ZNF184: variants seen among roughly 807,000 people sequenced by gnomAD.
ZNF184 encodes zinc finger protein 184, also known as zinc finger protein 184 (Kruppel-like).
Under a neutral mutation model 54.4 loss-of-function variants are expected in ZNF184, and 16 were observed. The observed-to-expected ratio is 0.29, with a 90% CI of 0.20 to 0.45. The LOEUF (loss-of-function observed/expected upper bound fraction) is 0.45, where lower values mean the gene tolerates loss of function less well. ZNF184 is among the 20% of genes least tolerant of loss of function. ZNF184 has a pLI of 1.00. For missense variants in ZNF184, 681 were observed against 888.2 expected, an observed-to-expected ratio of 0.77 and a Z score of 2.97; for synonymous variants, 254 against 295.3, an observed-to-expected ratio of 0.86 and a Z score of 1.43.
intron 3 of ZNF184, among the ~76,000 whole-genome samples, chr6:27,464,093 G>T (rs1763065645): frequency 6.6e-6 from 1 of 152,070 alleles, no homozygotes; most frequent in Non-Finnish European, 1.5e-5. Context: ...ACCAAGTCAT[G>T]ACAATCAAAA....
At chr6:27,410,366 A>G in the ZNF184 span, among the ~76,000 whole-genome samples, 3 of 152,232 alleles carry the variant, frequency 2.0e-5, no homozygotes, top group Admixed American at 6.5e-5. Context: ...GTGTAAGGAA[A>G]GTCAGAGAGG....
chr6:27,422,164 G>GA, the ZNF184 span, among the ~76,000 whole-genome samples: 3 of 39,462 alleles, frequency 7.6e-5, no homozygotes, highest in African/African-American at 1.7e-4. Context: ...AAGAAAGAAA[G>GA]AAAGAAAGAA....
At chr6:27,411,293 T>C in the ZNF184 span, among the ~76,000 whole-genome samples, 1 of 152,036 alleles carries the variant, frequency 6.6e-6, no homozygotes, top group African/African-American at 2.4e-5. Flanking sequence ...ATTTAATCAC[T>C]TCCCAAAGAC....
At chr6:27,460,690 A>G (rs2113723968) in intron 3 of ZNF184, among the ~76,000 whole-genome samples, 1 of 152,340 alleles carries the variant, frequency 6.6e-6, no homozygotes, top group South Asian at 2.1e-4. Flanking sequence ...GAAAAGGAAT[A>G]CCACAAATCT....
chr6:27,408,062 A>G, the ZNF184 span: 2 of 840,968 alleles, frequency 2.4e-6, no homozygotes, highest in East Asian at 2.4e-5. Context: ...GAATACTTTG[A>G]TAATGCAAAT....
chr6:27,417,486 T>C, the ZNF184 span, among the ~76,000 whole-genome samples: 1 of 152,126 alleles, frequency 6.6e-6, no homozygotes, highest in South Asian at 2.1e-4. Context: ...CCCAAACTGG[T>C]GTTGGACAGA....
chr6:27,453,218 G>C lies in ZNF184; in HGVS notation c.341C>G (p.Pro114Arg). The change falls in exon 6 of 6, where the codon CCT (proline) becomes CGT (arginine). Residue 114 changes from proline (P) to arginine (R), a missense_variant. Physicochemically the swap from Pro to Arg is moderately radical, Grantham distance 103. Transcript: ENST00000683788. This position sits in a 1 kb window ranked among gnomAD's most constrained non-coding sequence, Gnocchi z 4.7. ...RLENSVSAPE[P>R]DISEEELSPE... ...AGATAGCTCTTCTTCAGAAATGTCA[G>C]GCTCTGGGGCTGACACACTATTTTC... 6.2e-7 allele frequency: 1 copy of C among 1,610,262 alleles called. No individual in the cohort carries two copies. Among genetic ancestry groups the C allele is most frequent in the Non-Finnish European group, 8.5e-7 (1 of 1,178,730 alleles).
At chr6:27,422,200 G>GAA in the ZNF184 span, among the ~76,000 whole-genome samples, 3 of 89,316 alleles carry the variant, frequency 3.4e-5, 1 homozygote, top group African/African-American at 1.2e-4. Flanking sequence ...AAGAAAGAAA[G>GAA]AAAGAAAGAA....
intron 2 of ZNF184, among the ~76,000 whole-genome samples, chr6:27,471,426 T>C (rs1218703941): frequency 6.6e-6 from 1 of 152,196 alleles, no homozygotes; most frequent in Non-Finnish European, 1.5e-5. Context: ...AAAAAAGATC[T>C]AAAGTTTACA....
intron 2 of ZNF184, among the ~76,000 whole-genome samples, chr6:27,470,522 A>G (rs1331335387): frequency 2.0e-5 from 3 of 152,236 alleles, no homozygotes; most frequent in Non-Finnish European, 4.4e-5. Flanking sequence ...CAGTAAAGAA[A>G]AACTGTTTTG....
the ZNF184 span, among the ~76,000 whole-genome samples, chr6:27,417,571 G>A: frequency 1.8e-4 from 27 of 152,182 alleles, no homozygotes; most frequent in Middle Eastern, 0.014. Context: ...AAGAGTCCAG[G>A]ACAGCCTCTG....
rs1762786658 is a variant in ZNF184 at position 27,453,544 on chromosome 6, G to A, written c.299-284C>T. On this transcript the variant is annotated intron_variant, in intron 5 of 5. Coordinates refer to ENST00000683788, the MANE Select transcript of ZNF184 (RefSeq NM_001318891.2). This position sits in a 1 kb window ranked among gnomAD's most constrained non-coding sequence, Gnocchi z 4.7. The stretch of plus-strand genomic sequence containing the variant: ...AGTTGACTAAAAAGGTGACAACAGA[G>A]ATGGCTAAGAGTAGACAGAGATGAA... 6.6e-6 allele frequency among the ~76,000 whole-genome samples: 1 copy of A among 152,210 alleles called. No individual in the cohort carries two copies. Among genetic ancestry groups the A allele is most frequent in the Admixed American group, 6.5e-5 (1 of 15,280 alleles).
chr6:27,456,554 G>T lies in ZNF184; in HGVS notation c.298+272C>A, dbSNP rs142389048. Among the ~76,000 whole-genome samples the T allele has an allele frequency of 2.7e-3, 416 of 152,314 alleles. 2 individuals are homozygous for T. Among genetic ancestry groups the T allele is most frequent in the African/African-American group, 8.8e-3 (365 of 41,570 alleles). On this transcript the variant is annotated intron_variant, in intron 5 of 5. Coordinates refer to ENST00000683788, the MANE Select transcript of ZNF184 (RefSeq NM_001318891.2). ...ATCATGGTCCTAAAGGAAGTAGAAA[G>T]AGATGTAATTCAGAGTCCAGTTCGA...
the ZNF184 span, among the ~76,000 whole-genome samples, chr6:27,426,640 A>G: frequency 6.6e-6 from 1 of 152,202 alleles, no homozygotes; most frequent in South Asian, 2.1e-4. This position sits in a 1 kb window ranked among gnomAD's most constrained non-coding sequence, Gnocchi z 4.2. Flanking sequence ...GCAGGTCTAG[A>G]TAAGTCCCTA....
the ZNF184 span, chr6:27,407,662 A>T: frequency 1.6e-6 from 1 of 643,760 alleles, no homozygotes; most frequent in Non-Finnish European, 2.8e-6. Flanking sequence ...TTGCTGAGTC[A>T]TGCAAGCCTG....
the ZNF184 span, among the ~76,000 whole-genome samples, chr6:27,429,569 GA>G: frequency 2.0e-5 from 3 of 152,176 alleles, no homozygotes; most frequent in Admixed American, 2.0e-4. Flanking sequence ...CCCCCAACCT[GA>G]AGGTTTAATA....
At chr6:27,417,608 C>A in the ZNF184 span, among the ~76,000 whole-genome samples, 1 of 152,130 alleles carries the variant, frequency 6.6e-6, no homozygotes, top group African/African-American at 2.4e-5. Context: ...ATCATGCACA[C>A]ATCCTTTCTT....
Position 27,452,915 on chromosome 6 carries a change from G to A in ZNF184, c.644C>T (p.Pro215Leu). Reference protein sequence around the residue: ...TKRSIKQNSNPVKKEKSCKCN... With the variant: ...TKRSIKQNSNLVKKEKSCKCN... ...CTTACAAGATTTCTCTTTTTTAACTGGGTTTGAATTCTGTTTGATGCTTCT... is the reference window on the plus strand; with the variant it reads ...CTTACAAGATTTCTCTTTTTTAACTAGGTTTGAATTCTGTTTGATGCTTCT... The change falls in exon 6 of 6, where the codon CCA becomes CTA. Residue 215 changes from proline to leucine, a missense_variant. Coordinates refer to ENST00000683788, the MANE Select transcript of ZNF184 (RefSeq NM_001318891.2). The surrounding 1 kb of genome is among the most constrained non-coding windows in gnomAD (Gnocchi z 5.5). The A allele has an allele frequency of 1.9e-6, 3 of 1,614,106 alleles. No homozygotes were observed. The highest frequency in any genetic ancestry group is 2.5e-6 in the Non-Finnish European group (3 of 1,180,008).
rs1762786574 is a variant in ZNF184 at position 27,453,541 on chromosome 6, AG to A, written c.299-282del. 6.6e-6 allele frequency among the ~76,000 whole-genome samples: 1 copy of A among 152,268 alleles called. No homozygotes were observed. ...AATAGTTGACTAAAAAGGTGACAACAGAGATGGCTAAGAGTAGACAGAGATG... is the reference window on the plus strand; with the variant it reads ...AATAGTTGACTAAAAAGGTGACAACAAGATGGCTAAGAGTAGACAGAGATG... On this transcript the variant is annotated intron_variant, in intron 5 of 5. Transcript: ENST00000683788. The surrounding 1 kb of genome is among the most constrained non-coding windows in gnomAD (Gnocchi z 4.7).
Sources: allele counts gnomAD v4.1 joint callset (sites outside exome capture counted in the v4.1 genomes callset), GRCh38; gene constraint gnomAD v4.1.1; non-coding constraint Gnocchi (gnomAD v3.1); transcripts MANE v1.5; gene names NCBI Gene and HGNC (gene_info 2026-07-23, HGNC 2026-07-21).